SEC14L6: variants seen among roughly 807,000 people sequenced by gnomAD.
SEC14L6 encodes the protein SEC14 like lipid binding 6.
A neutral mutation model predicts 54.1 loss-of-function variants in SEC14L6; 40 were observed. That is an observed-to-expected ratio of 0.74 (90% CI 0.57 to 0.96). The LOEUF is 0.96. Among genes scored for constraint, SEC14L6 ranks in the 40% least tolerant of loss-of-function variants. The pLI is 0.00. For synonymous variants in SEC14L6, 171 were observed against 198.4 expected (o/e 0.86, Z 1.16); for missense variants, 471 against 498.3 (o/e 0.95, Z 0.52).
rs776227126 is a variant in SEC14L6, at chr22:30,525,654, G to A, written c.868C>T (p.Leu290=). The change falls in exon 10 of 12, where the codon CTG becomes TTG. Residue 290 remains leucine (L), a synonymous_variant. Transcript: ENST00000402034. ...HTRSVGRGSS[L]QVENEILFPG... ...AACAGGATCTCGTTCTCCACCTGCA[G>A]GGAGGAGCCGCGGCCCACGGACCTC... is the stretch of plus-strand genomic sequence containing the variant. 2.5e-6 allele frequency: 4 copies of A among 1,611,088 alleles called. No individual in the cohort carries two copies. Among genetic ancestry groups the A allele is most frequent in the South Asian group, 2.2e-5 (2 of 90,744 alleles).
At chr22:30,542,387 G>A in intron 1 of SEC14L6, 3 of 409,448 alleles carry the variant, frequency 7.3e-6, no homozygotes, top group Non-Finnish European at 1.3e-5. Context: ...CGCGGCCGGA[G>A]TCCGGAGGCG....
intron 1 of SEC14L6, among the ~76,000 whole-genome samples, chr22:30,540,575 G>C (rs755133575): frequency 2.0e-5 from 3 of 151,860 alleles, no homozygotes; most frequent in African/African-American, 7.3e-5. Context: ...AATTAGCCAG[G>C]TGTGGTGGCG....
chr22:30,534,090 G>A (rs977149193), intron 2 of SEC14L6, 51 bp from the exon 3 acceptor site: 6 of 1,533,290 alleles, frequency 3.9e-6, no homozygotes, highest in Non-Finnish European at 5.3e-6. Context: ...GCTCACTCCA[G>A]GCTTCTGGAG....
At chr22:30,527,636 G>A (rs1298243804) in intron 8 of SEC14L6, among the ~76,000 whole-genome samples, 1 of 147,532 alleles carries the variant, frequency 6.8e-6, no homozygotes, top group East Asian at 2.0e-4. Context: ...GACTGCTTGA[G>A]CCCTGGAGGT....
chr22:30,527,911 T>C (rs1475962539), intron 8 of SEC14L6, among the ~76,000 whole-genome samples: 3 of 151,612 alleles, frequency 2.0e-5, no homozygotes, highest in Non-Finnish European at 2.9e-5. Context: ...TTTACTAAAA[T>C]GGGAAAATGA....
chr22:30,535,116 C>G (rs1937103644), intron 2 of SEC14L6, among the ~76,000 whole-genome samples: 3 of 152,086 alleles, frequency 2.0e-5, no homozygotes, highest in Non-Finnish European at 4.4e-5. Flanking sequence ...ATAGAAATAT[C>G]ATTTTGTTTT....
In SEC14L6 at chr22:30,538,492, C is replaced by T. The variant is rs1398990607; in HGVS notation, c.130+335G>A. Among the ~76,000 whole-genome samples the T allele has an allele frequency of 2.0e-5, 3 of 152,222 alleles. No homozygotes were observed. The East Asian group carries it at 5.8e-4, about 29-fold the overall frequency. On this transcript the variant is annotated intron_variant, in intron 2 of 11. Transcript: ENST00000402034. Reference sequence around the variant, plus strand: ...TGTTGTGAGGATGCTTGAGCAGGCCCTGTGAGGAAGAACTGAAGCCTCCTG... The same window carrying T: ...TGTTGTGAGGATGCTTGAGCAGGCCTTGTGAGGAAGAACTGAAGCCTCCTG...
chr22:30,538,516 T>C lies in SEC14L6; in HGVS notation c.130+311A>G, dbSNP rs547347427. Among the ~76,000 whole-genome samples, 253 of 152,284 alleles carry C rather than the reference T, an allele frequency of 1.7e-3. 1 individual carries two copies. The highest frequency in any genetic ancestry group is 3.7e-3 in the Admixed American group (56 of 15,292). ...CCTGTGAGGAAGAACTGAAGCCTCC[T>C]GCCAACAGCGAGCACAGACTTGCCA... On this transcript the variant is annotated intron_variant, in intron 2 of 11. Transcript: ENST00000402034.
intron 2 of SEC14L6, among the ~76,000 whole-genome samples, chr22:30,538,564 C>A (rs1001272455): frequency 6.6e-6 from 1 of 152,154 alleles, no homozygotes; most frequent in Admixed American, 6.5e-5. Flanking sequence ...ACCTTGGAAG[C>A]AGATCCTCCT....
At position 30,546,481 on chromosome 22, in the gene SEC14L6, G is replaced by C. The variant is rs1188307251; in HGVS notation, c.54+148C>G. 1.1e-5 allele frequency: 7 copies of C among 634,600 alleles called. No homozygotes were observed. The East Asian group carries it at 2.0e-4, about 18-fold the overall frequency. 39.3% of individuals were successfully genotyped at this position (634,600 alleles called of 1,614,324 possible). On this transcript the variant is annotated intron_variant, in intron 1 of 11. Transcript: ENST00000402034. ...GTGGTATTTCTATTGGTTAGTGCTG[G>C]TGTAGCCTCTGGCTACCAAGCCCCT... is the stretch of plus-strand genomic sequence containing the variant.
chr22:30,538,788 T>C, intron 2 of SEC14L6, 39 bp downstream of exon 2: 1 of 1,385,446 alleles, frequency 7.2e-7, no homozygotes. Context: ...TCCTCTTTCA[T>C]GCCATTGACC....
intron 1 of SEC14L6, chr22:30,542,604 C>T: frequency 6.6e-7 from 1 of 1,515,064 alleles, no homozygotes; most frequent in Non-Finnish European, 8.8e-7. Flanking sequence ...CCGGCCGCCT[C>T]GGGCCGCTGC....
At chr22:30,544,985 G>C (rs114860576) in intron 1 of SEC14L6, among the ~76,000 whole-genome samples, 101 of 152,064 alleles carry the variant, frequency 6.6e-4, no homozygotes, top group African/African-American at 2.4e-3. Context: ...CTTTGCCCCG[G>C]GAACCCCATC....
chr22:30,532,119 G>C, intron 5 of SEC14L6, 121 bp from the exon 6 acceptor site: 1 of 1,447,606 alleles, frequency 6.9e-7, no homozygotes. Flanking sequence ...ATGGCACAGA[G>C]ATGGGGGAGG....
At position 30,542,498 on chromosome 22, in the gene SEC14L6, G is replaced by C. The variant is rs543030958; in HGVS notation, c.55-3596C>G. 3.3e-3 allele frequency: 2,163 copies of C among 655,272 alleles called. 1 individual carries two copies. Among genetic ancestry groups the C allele is most frequent in the Non-Finnish European group, 4.5e-3 (1,907 of 423,264 alleles). The allele number at this position is 655,272 out of a possible 1,614,324, so 40.6% of individuals were successfully genotyped here. A position where few individuals can be genotyped will look rare whatever the true frequency, so the allele number is the denominator to read the frequency against. On this transcript the variant is annotated intron_variant, in intron 1 of 11. Transcript: ENST00000402034. ...AAACAAGTTTGCGCAAAGTGGAGCGGGGACCCGGCCTCTGGGCAGCCCCGG... is the reference window on the plus strand; with the variant it reads ...AAACAAGTTTGCGCAAAGTGGAGCGCGGACCCGGCCTCTGGGCAGCCCCGG...
chr22:30,543,274 C>CG, intron 1 of SEC14L6: 2 of 1,586,510 alleles, frequency 1.3e-6, no homozygotes, highest in Middle Eastern at 1.7e-4. Flanking sequence ...CGTCACCTTG[C>CG]GGGGGGACTC....
chr22:30,542,662 G>A lies in SEC14L6; in HGVS notation c.55-3760C>T, dbSNP rs372347549. The A allele has an allele frequency of 1.5e-4, 229 of 1,517,686 alleles. 2 individuals carry two copies. In the African/African-American group the frequency reaches 2.7e-3, roughly 18 times the overall value. The allele number at this position is 1,517,686 out of a possible 1,614,324, so 94.0% of individuals were successfully genotyped here. A position where few individuals can be genotyped will look rare whatever the true frequency, so the allele number is the denominator to read the frequency against. The stretch of plus-strand genomic sequence containing the variant: ...CTGCGCCTGGTCAGGAGTGGCGGGT[G>A]AGGAGGAGCTGCAGGTGATTCAGCC... On this transcript the variant is annotated intron_variant, in intron 1 of 11. Coordinates refer to ENST00000402034, the MANE Select transcript of SEC14L6 (RefSeq NM_001193336.4).
At position 30,538,929 on chromosome 22, in the gene SEC14L6, G is replaced by A. The variant is rs551502629; in HGVS notation, c.55-27C>T. On this transcript the variant is annotated intron_variant, in intron 1 of 11. Coordinates refer to ENST00000402034, the MANE Select transcript of SEC14L6 (RefSeq NM_001193336.4). ...TGAGGACAGACAGGGAGAGACCTGG[G>A]TCAGAGGCCAACCACCCTCGGTCCT... 4.6e-6 allele frequency: 7 copies of A among 1,516,550 alleles called. No homozygotes were observed. In the African/African-American group the frequency reaches 8.3e-5, roughly 18 times the overall value. The allele number at this position is 1,516,550 out of a possible 1,614,324, so 93.9% of individuals were successfully genotyped here.
In SEC14L6 at chr22:30,525,875, A is replaced by G. The variant is rs113062064; in HGVS notation, c.722T>C (p.Phe241Ser). 382 of 1,613,664 alleles carry G rather than the reference A, an allele frequency of 2.4e-4. No homozygotes were observed. The highest frequency in any genetic ancestry group is 1.8e-3 in the Middle Eastern group (11 of 6,052). ...ATCGGGGTCAGTCATGGTCCCCCCA[A>G]ACTCCACGGGCAGCTGGTCGGGGCT... is the stretch of plus-strand genomic sequence containing the variant. ...FISPDQLPVE[F>S]GGTMTDPDGN... Residue 241 changes from phenylalanine to serine, a missense_variant, in exon 9 of 12, where the codon TTT (phenylalanine) becomes TCT (serine). Physicochemically the swap from Phe to Ser is radical, Grantham distance 155. Coordinates refer to ENST00000402034, the MANE Select transcript of SEC14L6 (RefSeq NM_001193336.4).
Sources: gnomAD v4.1 joint callset for allele counts (sites outside exome capture counted in the v4.1 genomes callset) on GRCh38, gnomAD v4.1.1 for gene constraint, MANE v1.5 for transcripts, NCBI Gene and HGNC (gene_info 2026-07-23, HGNC 2026-07-21) for gene names.